USP20: variants seen among roughly 807,000 people sequenced by gnomAD.
USP20 encodes ubiquitin specific peptidase 20, also known as ubiquitin carboxyl-terminal hydrolase 20.
A neutral mutation model predicts 124.2 loss-of-function variants in USP20; 80 were observed. The observed-to-expected ratio is 0.64, with a 90% CI of 0.54 to 0.78. The LOEUF is 0.78. Among genes scored for constraint, USP20 ranks in the 30% least tolerant of loss-of-function variants. The probability of loss-of-function intolerance (pLI) is 0.00; values close to 1 mark genes in which losing one functional copy is unlikely to be tolerated. For synonymous variants in USP20, 481 were observed against 512.3 expected (o/e 0.94, Z 0.83); for missense variants, 1,043 against 1,244.4 (o/e 0.84, Z 2.44).
At position 129,879,661 on chromosome 9, in the gene USP20, G is replaced by A. The variant is rs759837287; in HGVS notation, c.2584+17G>A. 1.2e-6 allele frequency: 2 copies of A among 1,613,752 alleles called. No homozygotes were observed. The highest frequency in any genetic ancestry group is 1.7e-5 in the Admixed American group (1 of 60,014). ...TGAAGCAGGGTGAGTTCCCCCTGGG[G>A]TCAGCCAGGCTCCTCTCTGCCCTTC... On this transcript the variant is annotated intron_variant, in intron 24 of 25. Coordinates refer to ENST00000372429, the MANE Select transcript of USP20 (RefSeq NM_001110303.4). The surrounding 1 kb of genome is among the most constrained non-coding windows in gnomAD (Gnocchi z 4.2).
At chr9:129,842,303 G>A (rs1354027045) in intron 1 of USP20, among the ~76,000 whole-genome samples, 3 of 152,128 alleles carry the variant, frequency 2.0e-5, no homozygotes, top group Non-Finnish European at 4.4e-5. Flanking sequence ...TAATGTATGT[G>A]CAGCAGCTAA....
chr9:129,839,631 G>C lies in USP20; in HGVS notation c.-129+4132G>C, dbSNP rs1244140582. Among the ~76,000 whole-genome samples, 2 of 152,058 alleles carry C rather than the reference G, an allele frequency of 1.3e-5. No homozygotes were observed. The highest frequency in any genetic ancestry group is 4.8e-5 in the African/African-American group (2 of 41,386). ...TGGGCACACACCCTGTGCGGGGCTG[G>C]GGGTGTGAGATGGCTAATGTGGTTG... On this transcript the variant is annotated intron_variant, in intron 1 of 25. Coordinates refer to ENST00000372429, the MANE Select transcript of USP20 (RefSeq NM_001110303.4). The surrounding 1 kb of genome is among the most constrained non-coding windows in gnomAD (Gnocchi z 4.5).
At chr9:129,836,063 C>T (rs1434569595) in intron 1 of USP20, among the ~76,000 whole-genome samples, 1 of 152,168 alleles carries the variant, frequency 6.6e-6, no homozygotes, top group East Asian at 1.9e-4. Flanking sequence ...TGGACCTTCA[C>T]GGGTCTGGTT....
intron 7 of USP20, 93 bp from the exon 8 acceptor site, chr9:129,861,450 G>C (rs2033542701): frequency 1.7e-6 from 2 of 1,192,134 alleles, no homozygotes; most frequent in Admixed American, 3.4e-5. Context: ...TTGGGCAGTT[G>C]AGAGCCACAC....
At chr9:129,873,797 A>C in intron 17 of USP20, 53 bp downstream of exon 17, 1 of 1,596,052 alleles carries the variant, frequency 6.3e-7, no homozygotes, top group Non-Finnish European at 8.5e-7. Flanking sequence ...GATGCACACC[A>C]GCACACACCA....
chr9:129,873,820 G>C, intron 17 of USP20, 76 bp downstream of exon 17: 1 of 1,550,942 alleles, frequency 6.4e-7, no homozygotes, highest in Non-Finnish European at 8.8e-7. Context: ...CAGGGGCTGA[G>C]CCTGCTCCAC....
Position 129,856,350 on chromosome 9 carries a change from C to G in USP20, c.125C>G (p.Ala42Gly), listed in dbSNP as rs1399980900. The change falls in exon 4 of 26, where the codon GCC (alanine) becomes GGC (glycine). Residue 42 changes from alanine (A) to glycine (G), a missense_variant. Ala to Gly is a moderately conservative substitution (Grantham distance 60). Coordinates refer to ENST00000372429, the MANE Select transcript of USP20 (RefSeq NM_001110303.4). Reference protein sequence around the residue: ...SCGVTGPNLWACLQVACPYVG... With the variant: ...SCGVTGPNLWGCLQVACPYVG... ...GGGGTCACCGGACCAAACCTATGGG[C>G]CTGTCTGCAGGTAAAAGACCCTTGT... 9.3e-6 allele frequency: 15 copies of G among 1,614,156 alleles called. No homozygotes were observed. Among genetic ancestry groups the G allele is most frequent in the Non-Finnish European group, 1.3e-5 (15 of 1,180,004 alleles).
chr9:129,876,032 G>A, intron 21 of USP20, 98 bp from the exon 22 acceptor site: 1 of 1,065,588 alleles, frequency 9.4e-7, no homozygotes, highest in Non-Finnish European at 1.4e-6. Context: ...GCGCTGAGGG[G>A]GCACTGATGG....
Position 129,874,634 on chromosome 9 carries a change from A to G in USP20, c.1799A>G (p.Asn600Ser). 3 of 1,613,866 alleles carry G rather than the reference A, an allele frequency of 1.9e-6. No individual in the cohort carries two copies. The highest frequency in any genetic ancestry group is 1.7e-6 in the Non-Finnish European group (2 of 1,180,020). ...GAGGTGATGTACTCATTCAAGATCA[A>G]CAGCCACGTCTCCTTCCCCCTCGAG... ...RHEVMYSFKI[N>S]SHVSFPLEGL... is the part of the protein sequence containing the mutation. The change falls in exon 18 of 26, where the codon AAC becomes AGC. Residue 600 changes from asparagine to serine, a missense_variant. Coordinates refer to ENST00000372429, the MANE Select transcript of USP20 (RefSeq NM_001110303.4).
chr9:129,878,287 A>T (rs2034490093), intron 22 of USP20, 51 bp from the exon 23 acceptor site: 1 of 1,463,266 alleles, frequency 6.8e-7, no homozygotes, highest in Admixed American at 2.0e-5. Flanking sequence ...GCTGAAGGTA[A>T]ATAGAGACTG....
intron 1 of USP20, chr9:129,835,848 G>A (rs1334374867): frequency 6.6e-6 from 1 of 152,304 alleles, no homozygotes; most frequent in African/African-American, 2.4e-5. Flanking sequence ...TCTTTCCTCG[G>A]GCTCTGAGCC....
chr9:129,853,687 T>G (rs10733699), intron 3 of USP20, among the ~76,000 whole-genome samples: 1 of 152,160 alleles, frequency 6.6e-6, no homozygotes. Context: ...GAAGTGACTT[T>G]GCCTCTTGCA....
intron 16 of USP20, 86 bp from the exon 17 acceptor site, chr9:129,873,613 C>T: frequency 6.2e-7 from 1 of 1,613,424 alleles, no homozygotes; most frequent in Non-Finnish European, 8.5e-7. Flanking sequence ...ATCCTGCCTT[C>T]CCAGAAGGGA....
chr9:129,844,991 T>C (rs1785274107), intron 1 of USP20, among the ~76,000 whole-genome samples: 1 of 152,058 alleles, frequency 6.6e-6, no homozygotes, highest in African/African-American at 2.4e-5. Context: ...AAGACCAGCT[T>C]GGGCAACACG....
intron 1 of USP20, among the ~76,000 whole-genome samples, chr9:129,849,230 G>GTAA (rs1228051545): frequency 6.6e-6 from 1 of 152,188 alleles, no homozygotes; most frequent in Non-Finnish European, 1.5e-5. Context: ...GAGCACCAAG[G>GTAA]TAATGCCTCA....
chr9:129,837,013 T>C (rs947278964), intron 1 of USP20, among the ~76,000 whole-genome samples: 4 of 152,206 alleles, frequency 2.6e-5, no homozygotes, highest in South Asian at 2.1e-4. Context: ...ACCCTCCTCC[T>C]CAGCTGAAGT....
intron 6 of USP20, among the ~76,000 whole-genome samples, chr9:129,860,467 T>TA (rs1564207078): frequency 6.6e-5 from 10 of 151,732 alleles, no homozygotes; most frequent in South Asian, 6.2e-4. Flanking sequence ...TTATTGCCAA[T>TA]AAAAAAATGC....
chr9:129,857,272 G>T (rs1376133635), intron 4 of USP20, among the ~76,000 whole-genome samples: 3 of 152,324 alleles, frequency 2.0e-5, no homozygotes, highest in African/African-American at 7.2e-5. Context: ...AGTGCAGGAC[G>T]TGGTCCTACC....
In USP20 at chr9:129,870,453, G is replaced by A. The variant is rs1258696831; in HGVS notation, c.1566G>A (p.Arg522=). 2 of 1,613,892 alleles carry A rather than the reference G, an allele frequency of 1.2e-6. No homozygotes were observed. Among genetic ancestry groups the A allele is most frequent in the Admixed American group, 3.3e-5 (2 of 59,984 alleles). The change falls in exon 15 of 26, where the codon CGG becomes CGA. Residue 522 remains arginine, a splice_region_variant and synonymous_variant. Transcript: ENST00000372429. Reference sequence around the variant, plus strand: ...CCCTGCACTCCTTTTCTGTCTGTAGGTTTGTGGTATCCTGTACCCCCAGCT... The same window carrying A: ...CCCTGCACTCCTTTTCTGTCTGTAGATTTGTGGTATCCTGTACCCCCAGCT... ...WLAFIVEYIR[R]FVVSCTPSWF... is the part of the protein sequence containing the mutation.
Sources: allele counts gnomAD v4.1 joint callset (sites outside exome capture counted in the v4.1 genomes callset), GRCh38; gene constraint gnomAD v4.1.1; non-coding constraint Gnocchi (gnomAD v3.1); transcripts MANE v1.5; gene names NCBI Gene and HGNC (gene_info 2026-07-23, HGNC 2026-07-21).